The following RPP40 variants were observed in gnomAD, a reference collection of about 807,000 sequenced individuals.
RPP40 encodes ribonuclease P protein subunit p40.
In RPP40, 30 loss-of-function variants were observed where a neutral mutation model predicts 42.5. That is an observed-to-expected ratio of 0.71 (90% CI 0.53 to 0.96). The LOEUF is 0.96. Among genes scored for constraint, RPP40 ranks in the 40% least tolerant of loss-of-function variants. The probability of loss-of-function intolerance (pLI) is 0.00; values close to 1 mark genes in which losing one functional copy is unlikely to be tolerated. For synonymous variants in RPP40, 173 were observed against 164.0 expected (o/e 1.05, Z -0.42); for missense variants, 426 against 433.5 (o/e 0.98, Z 0.15).
chr6:4,993,982 C>G (rs1240492576), downstream of RPP40, among the ~76,000 whole-genome samples: 1 of 151,980 alleles, frequency 6.6e-6, no homozygotes, highest in Non-Finnish European at 1.5e-5. Flanking sequence ...AAGAAAACTT[C>G]AATTTGGCAT....
chr6:5,001,852 G>A (rs1759567184), intron 2 of RPP40: 1 of 362,842 alleles, frequency 2.8e-6, no homozygotes, highest in South Asian at 6.0e-5. Context: ...CTCATTTTAA[G>A]GGGACGGATA....
At chr6:5,001,512 G>C (rs912709) in intron 2 of RPP40, among the ~76,000 whole-genome samples, 135,109 of 152,238 alleles carry the variant, frequency 0.89, 60,071 homozygotes, top group East Asian at 0.99. Flanking sequence ...GTACAGGTGA[G>C]TTATGTAGTG....
chr6:4,994,880 C>T lies in RPP40; in HGVS notation c.*198G>A. On this transcript the variant is annotated 3_prime_UTR_variant, in exon 8 of 8. Transcript: ENST00000380051. ...TGTGCTTATGTTGACAGAGAGAAAT[C>T]AACTATGAGCTATTCACTGGACAGC... is the stretch of plus-strand genomic sequence containing the variant. The T allele has an allele frequency of 1.7e-6, 1 of 578,674 alleles. No individual in the cohort carries two copies. Among genetic ancestry groups the T allele is most frequent in the East Asian group, 2.8e-5 (1 of 35,762 alleles). 35.8% of individuals were successfully genotyped at this position (578,674 alleles called of 1,614,324 possible).
At chr6:4,995,515 G>A (rs1262931853) in intron 7 of RPP40, among the ~76,000 whole-genome samples, 4 of 152,052 alleles carry the variant, frequency 2.6e-5, no homozygotes, top group Non-Finnish European at 5.9e-5. Flanking sequence ...CCCTCATTCT[G>A]GGAGGTCTTT....
intron 1 of RPP40, 87 bp downstream of exon 1, chr6:5,003,793 G>A: frequency 7.0e-7 from 1 of 1,434,568 alleles, no homozygotes. Context: ...CGGCGGCCCC[G>A]CCCCGCGAAG....
the RPP40 span, among the ~76,000 whole-genome samples, chr6:4,989,274 A>G: frequency 6.6e-6 from 1 of 152,174 alleles, no homozygotes; most frequent in South Asian, 2.1e-4. Context: ...TCATTGATCT[A>G]TTGGTATATC....
chr6:4,991,048 T>C (rs938158292), downstream of RPP40, among the ~76,000 whole-genome samples: 22 of 152,154 alleles, frequency 1.4e-4, no homozygotes, highest in Admixed American at 5.9e-4. Flanking sequence ...TTCCCTGATA[T>C]ATGTACCTGG....
At chr6:4,992,673 G>C (rs1759277887), downstream of RPP40, among the ~76,000 whole-genome samples, 1 of 152,072 alleles carries the variant, frequency 6.6e-6, no homozygotes, top group East Asian at 1.9e-4. Context: ...CCTTTTAATT[G>C]GTGGTGTTCA....
rs1436751543 is a variant in RPP40 at position 5,003,708 on chromosome 6, G to C, written c.123+172C>G. On this transcript the variant is annotated intron_variant, in intron 1 of 7. Transcript: ENST00000380051. Reference sequence around the variant, plus strand: ...GAGTTGTAGTCCTGTAGCCCTGCAAGCCACTGGCTTAGAGCAGTTAAGAGA... The same window carrying C: ...GAGTTGTAGTCCTGTAGCCCTGCAACCCACTGGCTTAGAGCAGTTAAGAGA... 3 of 772,046 alleles carry C rather than the reference G, an allele frequency of 3.9e-6. No homozygotes were observed. In the African/African-American group the frequency reaches 5.4e-5, roughly 14 times the overall value. The allele number at this position is 772,046 out of a possible 1,614,324, so 47.8% of individuals were successfully genotyped here.
intron 5 of RPP40, among the ~76,000 whole-genome samples, chr6:4,997,198 T>A (rs1759410132): frequency 6.6e-6 from 1 of 152,208 alleles, no homozygotes; most frequent in Admixed American, 6.5e-5. Flanking sequence ...GTCATCTAGA[T>A]GGCTGGTAAA....
At chr6:5,003,668 C>T (rs984746862) in intron 1 of RPP40, 2 of 540,378 alleles carry the variant, frequency 3.7e-6, no homozygotes, top group African/African-American at 3.9e-5. Flanking sequence ...CGCCCCCACG[C>T]CCGGCGCATC....
Position 4,995,206 on chromosome 6 carries a change from CAG to C in RPP40, c.962_963del (p.Pro321ArgfsTer7). ...TLSVQGFADS[P>X]VSWEKNEHGF... ...CCATGTTCATTTTTTTCCCAAGAAA[CAG>C]GGCTGTCTGCAAAGCCTTGAACGGA... is the stretch of plus-strand genomic sequence containing the variant. On this transcript the variant is annotated frameshift_variant, in exon 8 of 8. Coordinates refer to ENST00000380051, the MANE Select transcript of RPP40 (RefSeq NM_006638.4). LOFTEE classifies it high-confidence loss of function. 6.2e-7 allele frequency: 1 copy of C among 1,614,092 alleles called. No homozygotes were observed. The highest frequency in any genetic ancestry group is 8.5e-7 in the Non-Finnish European group (1 of 1,180,018).
At position 5,003,905 on chromosome 6, in the gene RPP40, A is replaced by C; in HGVS notation, c.98T>G (p.Val33Gly). The change falls in exon 1 of 8, where the codon GTG (valine) becomes GGG (glycine). Residue 33 changes from valine to glycine, a missense_variant. By Grantham distance (109) the Val-to-Gly change is moderately radical. Coordinates refer to ENST00000380051, the MANE Select transcript of RPP40 (RefSeq NM_006638.4). ...CCTGTAGTTATAGTAGTGCGTCTGC[A>C]CAAGATGCCGGTGGCGCGACTTGTG... ...GNHKSRHRHL[V>G]QTHYYNYRVS... 6.2e-7 allele frequency: 1 copy of C among 1,613,714 alleles called. No individual in the cohort carries two copies. The highest frequency in any genetic ancestry group is 8.5e-7 in the Non-Finnish European group (1 of 1,179,710).
At chr6:4,997,830 G>A (rs1217723544) in intron 5 of RPP40, among the ~76,000 whole-genome samples, 1 of 152,208 alleles carries the variant, frequency 6.6e-6, no homozygotes, top group Non-Finnish European at 1.5e-5. Flanking sequence ...CTGCAAGTAT[G>A]AGGAAATCTC....
intron 4 of RPP40, 99 bp downstream of exon 4, chr6:4,999,710 C>A: frequency 1.4e-6 from 1 of 703,070 alleles, no homozygotes; most frequent in South Asian, 1.8e-5. Flanking sequence ...TTTTAAAAGG[C>A]CACATTTTTT....
At chr6:5,000,976 A>T (rs1032972470) in intron 2 of RPP40, 13 of 456,942 alleles carry the variant, frequency 2.8e-5, no homozygotes, top group East Asian at 6.3e-5. Flanking sequence ...AAGACCAAGC[A>T]TGCAGAAGAC....
Position 5,002,217 on chromosome 6 carries a change from A to C in RPP40, c.152T>G (p.Ile51Arg). 1.2e-6 allele frequency: 2 copies of C among 1,613,264 alleles called. No homozygotes were observed. The highest frequency in any genetic ancestry group is 1.7e-6 in the Non-Finnish European group (2 of 1,179,560). ...CAGGTTTTTCAGTTCTTCCGATAGTATCCCACATTCAGGAATGAGAAATGA... is the reference window on the plus strand; with the variant it reads ...CAGGTTTTTCAGTTCTTCCGATAGTCTCCCACATTCAGGAATGAGAAATGA... ...RVSFLIPECG[I>R]LSEELKNLVM... The change falls in exon 2 of 8, where the codon ATA becomes AGA. Residue 51 changes from isoleucine to arginine, a missense_variant. Coordinates refer to ENST00000380051, the MANE Select transcript of RPP40 (RefSeq NM_006638.4).
intron 6 of RPP40, 31 bp from the exon 7 acceptor site, chr6:4,996,116 T>A (rs370508866): frequency 6.2e-7 from 1 of 1,610,698 alleles, no homozygotes; most frequent in Non-Finnish European, 8.5e-7. Context: ...GAGAGAGAGA[T>A]AACACATGTA....
the RPP40 span, among the ~76,000 whole-genome samples, chr6:4,989,160 G>C: frequency 2.6e-5 from 4 of 151,938 alleles, no homozygotes; most frequent in African/African-American, 9.7e-5. Flanking sequence ...TGGACTCTTT[G>C]GTAAAATGTC....
Sources: gnomAD v4.1 joint callset for allele counts (sites outside exome capture counted in the v4.1 genomes callset) on GRCh38, gnomAD v4.1.1 for gene constraint, MANE v1.5 for transcripts, NCBI Gene and HGNC (gene_info 2026-07-23, HGNC 2026-07-21) for gene names.